WWOX: variants seen among roughly 807,000 people sequenced by gnomAD.
The protein encoded by WWOX is WW domain-containing oxidoreductase.
A neutral mutation model predicts 46.2 loss-of-function variants in WWOX; 69 were observed. That is an observed-to-expected ratio of 1.49 (90% confidence interval 1.23 to 1.82). The LOEUF is 1.82. Ranked by LOEUF, WWOX falls within the 40% of genes most tolerant of loss-of-function variation. WWOX has a pLI of 0.00. For synonymous variants in WWOX, 359 were observed against 202.6 expected, an observed-to-expected ratio of 1.77 and a Z score of -6.56; for missense variants, 919 against 542.6, an observed-to-expected ratio of 1.69 and a Z score of -6.89.
At chr16:78,772,162 A>G (rs554342845) in intron 8 of WWOX, among the ~76,000 whole-genome samples, 37 of 152,242 alleles carry the variant, frequency 2.4e-4, no homozygotes, top group African/African-American at 8.9e-4. Context: ...CTTGTATCCA[A>G]TAGTTATTTT....
chr16:79,015,582 G>A (rs562082812), intron 8 of WWOX, among the ~76,000 whole-genome samples: 9 of 152,164 alleles, frequency 5.9e-5, no homozygotes, highest in African/African-American at 1.4e-4. Context: ...CATGAGGAGG[G>A]TCACTGGTTG....
intron 8 of WWOX, among the ~76,000 whole-genome samples, chr16:78,815,294 C>T (rs2051300311): frequency 6.6e-6 from 1 of 150,896 alleles, no homozygotes; most frequent in Non-Finnish European, 1.5e-5. Context: ...CACTGCACTC[C>T]AGCCTGGCTG....
chr16:78,654,985 C>T (rs1159269330), intron 8 of WWOX, among the ~76,000 whole-genome samples: 2 of 152,098 alleles, frequency 1.3e-5, no homozygotes, highest in African/African-American at 4.8e-5. Context: ...ATGAGCACCA[C>T]CACATCCAAA....
At chr16:78,622,033 A>C (rs1401232322) in intron 8 of WWOX, among the ~76,000 whole-genome samples, 4 of 152,168 alleles carry the variant, frequency 2.6e-5, no homozygotes, top group Admixed American at 2.0e-4. Flanking sequence ...AGTTTTGGCT[A>C]CCCAGTTGTT....
At chr16:78,796,710 G>A (rs1464716373) in intron 8 of WWOX, among the ~76,000 whole-genome samples, 3 of 152,214 alleles carry the variant, frequency 2.0e-5, no homozygotes, top group Admixed American at 6.5e-5. Context: ...AAAGGGCCCT[G>A]CCTGGGCTAG....
intron 8 of WWOX, among the ~76,000 whole-genome samples, chr16:78,816,502 CTTTTTTTTTTTTTTTT>C (rs55814418): frequency 1.2e-4 from 5 of 42,088 alleles, no homozygotes; most frequent in South Asian, 1.1e-3. Context: ...AGGAGCCACT[CTTTTTTTTTTTTTTTT>C]TTTTTTTTTT....
chr16:78,706,764 C>T (rs753616671), intron 8 of WWOX, among the ~76,000 whole-genome samples: 7 of 152,152 alleles, frequency 4.6e-5, no homozygotes, highest in Non-Finnish European at 7.3e-5. Flanking sequence ...GATGGTTCTT[C>T]CTGACAGCTA....
At position 78,321,335 on chromosome 16, in the gene WWOX, TGC is replaced by T. The variant is rs2080469680; in HGVS notation, c.517-65523_517-65522del. ...ATATGCGTATATATATACGTATATA[TGC>T]GTATATATATACGTATATATGCGTA... On this transcript the variant is annotated intron_variant, in intron 5 of 8. Coordinates refer to ENST00000566780, the MANE Select transcript of WWOX (RefSeq NM_016373.4). Among the ~76,000 whole-genome samples the T allele has an allele frequency of 8.8e-5, 5 of 56,538 alleles. 1 individual carries two copies. The highest frequency in any genetic ancestry group is 2.8e-3 in the East Asian group (2 of 718). 37.1% of individuals were successfully genotyped at this position (56,538 alleles called of 152,430 possible).
intron 8 of WWOX, among the ~76,000 whole-genome samples, chr16:78,900,349 C>A (rs75713467): frequency 6.6e-6 from 1 of 152,148 alleles, no homozygotes; most frequent in Non-Finnish European, 1.5e-5. Flanking sequence ...AGCTGTCACT[C>A]AAGTATGCAC....
At chr16:79,119,145 G>C (rs1266002363) in intron 8 of WWOX, among the ~76,000 whole-genome samples, 1 of 151,748 alleles carries the variant, frequency 6.6e-6, no homozygotes, top group East Asian at 1.9e-4. Context: ...ATGATCAGAA[G>C]CAGCACTGAA....
chr16:79,058,128 AC>A (rs1401572347), intron 8 of WWOX, among the ~76,000 whole-genome samples: 1 of 74,668 alleles, frequency 1.3e-5, no homozygotes, highest in African/African-American at 1.3e-4. Flanking sequence ...AAACAAACAA[AC>A]AAAAAAAAAA....
intron 8 of WWOX, among the ~76,000 whole-genome samples, chr16:78,556,202 C>G (rs2044292395): frequency 2.6e-5 from 4 of 151,880 alleles, no homozygotes; most frequent in African/African-American, 7.2e-5. Context: ...AAATGCCAGC[C>G]TATCGTGCAT....
At chr16:78,251,349 T>G (rs1217472308) in intron 5 of WWOX, among the ~76,000 whole-genome samples, 1 of 152,230 alleles carries the variant, frequency 6.6e-6, no homozygotes, top group Non-Finnish European at 1.5e-5. Context: ...TAATGAATAC[T>G]CTGGCTTCGT....
At chr16:78,211,673 G>A (rs962563196) in intron 5 of WWOX, among the ~76,000 whole-genome samples, 4 of 152,172 alleles carry the variant, frequency 2.6e-5, no homozygotes, top group African/African-American at 7.2e-5. Flanking sequence ...TACCAACACC[G>A]TAGAGAAGTG....
intron 8 of WWOX, among the ~76,000 whole-genome samples, chr16:78,442,599 C>T (rs9935773): frequency 0.012 from 1,785 of 152,210 alleles, 32 homozygotes; most frequent in African/African-American, 0.041. Flanking sequence ...TGCTTCTCTT[C>T]CCATTGTTTA....
intron 8 of WWOX, among the ~76,000 whole-genome samples, chr16:78,592,503 G>T (rs573512199): frequency 6.6e-6 from 1 of 152,170 alleles, no homozygotes; most frequent in South Asian, 2.1e-4. Context: ...CCCTGGACTC[G>T]CAGAGAATCA....
intron 8 of WWOX, among the ~76,000 whole-genome samples, chr16:79,040,236 C>G (rs1204271770): frequency 6.6e-6 from 1 of 151,452 alleles, no homozygotes; most frequent in Non-Finnish European, 1.5e-5. Context: ...AGCCAAGTCC[C>G]ACATCTCAGG....
intron 8 of WWOX, among the ~76,000 whole-genome samples, chr16:78,853,648 TGGA>T (rs1413243718): frequency 6.6e-6 from 1 of 152,106 alleles, no homozygotes; most frequent in African/African-American, 2.4e-5. Flanking sequence ...TTTCCCTGGG[TGGA>T]GAAGAGGGGC....
At chr16:78,250,558 T>G (rs996107957) in intron 5 of WWOX, among the ~76,000 whole-genome samples, 3 of 152,148 alleles carry the variant, frequency 2.0e-5, no homozygotes, top group African/African-American at 7.2e-5. Context: ...GGTGCTGTCA[T>G]GCTGAACCCC....
Sources: allele counts gnomAD v4.1 joint callset (sites outside exome capture counted in the v4.1 genomes callset), GRCh38; gene constraint gnomAD v4.1.1; transcripts MANE v1.5; gene names NCBI Gene and HGNC (gene_info 2026-07-23, HGNC 2026-07-21).